The following TENM4 variants were observed in gnomAD, a reference collection of about 807,000 sequenced individuals.
TENM4 encodes the protein teneurin-4.
TENM4 carries 82 observed loss-of-function variants against 243.3 expected under a neutral mutation model. The ratio of observed to expected loss-of-function variants is 0.34; its 90% CI spans 0.28 to 0.40. TENM4 has a LOEUF of 0.40. Among genes scored for constraint, TENM4 ranks in the 10% least tolerant of loss-of-function variants. The probability of loss-of-function intolerance (pLI) is 1.00; values close to 1 mark genes in which losing one functional copy is unlikely to be tolerated. For synonymous variants in TENM4, 1,412 were observed against 1,456.3 expected, an observed-to-expected ratio of 0.97 and a Z score of 0.69; for missense variants, 3,138 against 3,673.3, an observed-to-expected ratio of 0.85 and a Z score of 3.77.
At chr11:78,808,748 T>C (rs554091691) in intron 14 of TENM4, among the ~76,000 whole-genome samples, 1 of 152,324 alleles carries the variant, frequency 6.6e-6, no homozygotes, top group East Asian at 1.9e-4. Flanking sequence ...GCAAAGAATC[T>C]CTTCTCCTGC....
At chr11:79,359,747 TAA>T (rs1857559878) in intron 1 of TENM4, among the ~76,000 whole-genome samples, 1 of 152,124 alleles carries the variant, frequency 6.6e-6, no homozygotes, top group Admixed American at 6.5e-5. Context: ...AAAAAACTTT[TAA>T]AAGTTACATC....
intron 4 of TENM4, among the ~76,000 whole-genome samples, chr11:79,142,318 G>A (rs934791599): frequency 2.0e-5 from 3 of 151,630 alleles, no homozygotes; most frequent in Non-Finnish European, 2.9e-5. Flanking sequence ...AATATCAGTA[G>A]GATTTCTATA....
At chr11:78,660,902 T>C (rs953304166) in intron 33 of TENM4, among the ~76,000 whole-genome samples, 5 of 152,124 alleles carry the variant, frequency 3.3e-5, no homozygotes, top group African/African-American at 1.2e-4. Context: ...AAGTGAGTCT[T>C]TTTGAGCACC....
At chr11:79,380,835 C>G (rs1028640738) in intron 1 of TENM4, among the ~76,000 whole-genome samples, 2 of 152,206 alleles carry the variant, frequency 1.3e-5, no homozygotes, top group Admixed American at 6.5e-5. Context: ...GATGTGCAGA[C>G]TGGAAAACCA....
At chr11:78,822,873 G>A (rs771734276) in intron 12 of TENM4, among the ~76,000 whole-genome samples, 1 of 152,322 alleles carries the variant, frequency 6.6e-6, no homozygotes, top group Non-Finnish European at 1.5e-5. Flanking sequence ...GAGGGCAGAG[G>A]GGGAGACGTT....
chr11:79,214,012 G>A (rs992682422), intron 3 of TENM4, among the ~76,000 whole-genome samples: 3 of 93,354 alleles, frequency 3.2e-5, no homozygotes, highest in African/African-American at 1.1e-4. Context: ...TTTTTTTTGA[G>A]GTGGAGTCTC....
chr11:78,760,302 A>G (rs1856400867), intron 18 of TENM4, among the ~76,000 whole-genome samples: 1 of 152,212 alleles, frequency 6.6e-6, no homozygotes, highest in African/African-American at 2.4e-5. Flanking sequence ...CGGTGGCCAT[A>G]TGGTGCTTAA....
intron 6 of TENM4, among the ~76,000 whole-genome samples, chr11:79,040,634 C>T (rs1015173266): frequency 5.9e-5 from 9 of 152,156 alleles, no homozygotes; most frequent in African/African-American, 2.2e-4. Context: ...AGGAAGTTTT[C>T]CATCTTGGCC....
chr11:78,831,474 G>A (rs760014977), intron 12 of TENM4, among the ~76,000 whole-genome samples: 3 of 152,352 alleles, frequency 2.0e-5, no homozygotes, highest in South Asian at 2.1e-4. Context: ...TAATAAATGC[G>A]TAAAGCCCAG....
chr11:79,011,349 G>T (rs949831847), intron 6 of TENM4, among the ~76,000 whole-genome samples: 1 of 152,184 alleles, frequency 6.6e-6, no homozygotes, highest in Non-Finnish European at 1.5e-5. Context: ...GTCCTTTCAG[G>T]TATCTGCATT....
chr11:79,033,550 C>A (rs1489367341), intron 6 of TENM4, among the ~76,000 whole-genome samples: 1 of 152,178 alleles, frequency 6.6e-6, no homozygotes, highest in Non-Finnish European at 1.5e-5. Context: ...TTACATGGTG[C>A]CAAAGCACAA....
At chr11:79,409,547 G>A (rs541753791) in intron 1 of TENM4, among the ~76,000 whole-genome samples, 1 of 152,258 alleles carries the variant, frequency 6.6e-6, no homozygotes, top group East Asian at 1.9e-4. Context: ...TCCCATGAAG[G>A]AGGGTGGAAG....
intron 6 of TENM4, among the ~76,000 whole-genome samples, chr11:79,040,137 G>T (rs1474207124): frequency 6.6e-6 from 1 of 152,040 alleles, no homozygotes; most frequent in African/African-American, 2.4e-5. Flanking sequence ...CCTAACCCTG[G>T]AAGTCTTTCC....
intron 7 of TENM4, among the ~76,000 whole-genome samples, chr11:78,895,771 A>G (rs938748637): frequency 6.6e-6 from 1 of 152,212 alleles, no homozygotes; most frequent in African/African-American, 2.4e-5. Flanking sequence ...TATGGAAACT[A>G]AGGCCCAGAA....
At chr11:79,062,042 AC>A (rs1860104372) in intron 6 of TENM4, among the ~76,000 whole-genome samples, 1 of 150,476 alleles carries the variant, frequency 6.6e-6, no homozygotes, top group African/African-American at 2.5e-5. Flanking sequence ...GCTCATGGCA[AC>A]CTCTGCCTCT....
intron 9 of TENM4, among the ~76,000 whole-genome samples, chr11:78,888,531 T>C (rs1466477899): frequency 6.6e-6 from 1 of 152,246 alleles, no homozygotes; most frequent in Non-Finnish European, 1.5e-5. Context: ...TTGAGTGGAA[T>C]TGACCTTACA....
chr11:79,224,746 T>C (rs1374951832), intron 2 of TENM4, among the ~76,000 whole-genome samples: 2 of 152,078 alleles, frequency 1.3e-5, no homozygotes, highest in African/African-American at 4.8e-5. Context: ...AGGTCTGAAG[T>C]TGGAGACCAG....
Position 79,259,658 on chromosome 11 carries a change from TATCCATCCATCC to T in TENM4, c.-265+37818_-265+37829del, listed in dbSNP as rs10534484. ...TCCCCCATCCATCCATCCATCCATC[TATCCATCCATCC>T]ATCCATCCATCCATCCATCCATCCA... On this transcript the variant is annotated intron_variant, in intron 2 of 33. Transcript: ENST00000278550. Among the ~76,000 whole-genome samples the T allele has an allele frequency of 2.5e-3, 364 of 145,414 alleles. 2 individuals carry two copies. In the East Asian group the frequency reaches 0.025, roughly 10 times the overall value.
intron 2 of TENM4, among the ~76,000 whole-genome samples, chr11:79,280,766 G>A (rs779173340): frequency 3.3e-5 from 5 of 152,168 alleles, no homozygotes; most frequent in Non-Finnish European, 4.4e-5. Context: ...TCCCCAGTGC[G>A]AAAGAGATGC....
Sources: allele counts gnomAD v4.1 joint callset (sites outside exome capture counted in the v4.1 genomes callset), GRCh38; gene constraint gnomAD v4.1.1; transcripts MANE v1.5; gene names NCBI Gene and HGNC (gene_info 2026-07-23, HGNC 2026-07-21).